MANBA: variants seen among roughly 807,000 people sequenced by gnomAD.
The protein encoded by MANBA is mannosidase beta.
MANBA carries 83 observed loss-of-function variants against 111.1 expected under a neutral mutation model. The observed-to-expected ratio is 0.75, with a 90% CI of 0.63 to 0.90. The LOEUF (loss-of-function observed/expected upper bound fraction) is 0.90. MANBA is among the 40% of genes least tolerant of loss of function. The probability of loss-of-function intolerance (pLI) is 0.00; values close to 1 mark genes in which losing one functional copy is unlikely to be tolerated. For missense variants in MANBA, 1,036 were observed against 1,069.0 expected, an observed-to-expected ratio of 0.97 and a Z score of 0.43; for synonymous variants, 370 against 378.7, an observed-to-expected ratio of 0.98 and a Z score of 0.27.
In MANBA at chr4:102,742,948, G is replaced by A. The variant is rs531637577; in HGVS notation, c.178-16265C>T. 3.5e-4 allele frequency among the ~76,000 whole-genome samples: 54 copies of A among 152,248 alleles called. 1 individual carries two copies. The highest frequency in any genetic ancestry group is 6.5e-4 in the Admixed American group (10 of 15,296). Reference sequence around the variant, plus strand: ...GCAGTGCCGTGGCCAGGTCAGCCTTGCTGAGTGGAAATCCATGTTGCTGAG... The same window carrying A: ...GCAGTGCCGTGGCCAGGTCAGCCTTACTGAGTGGAAATCCATGTTGCTGAG... On this transcript the variant is annotated intron_variant, in intron 1 of 16. Transcript: ENST00000647097.
At chr4:102,709,323 AG>A (rs1393046404) in intron 5 of MANBA, among the ~76,000 whole-genome samples, 6 of 130,536 alleles carry the variant, frequency 4.6e-5, no homozygotes, top group Admixed American at 7.5e-5. Context: ...AGAAAAGAAA[AG>A]AAAAAGAAAG....
At chr4:102,724,918 T>G (rs1381612903) in intron 2 of MANBA, among the ~76,000 whole-genome samples, 4 of 152,226 alleles carry the variant, frequency 2.6e-5, no homozygotes, top group Non-Finnish European at 5.9e-5. Flanking sequence ...TACTGATACA[T>G]GCTACAACAT....
At chr4:102,645,206 T>C (rs74525093) in intron 13 of MANBA, among the ~76,000 whole-genome samples, 1,631 of 152,216 alleles carry the variant, frequency 0.011, 23 homozygotes, top group African/African-American at 0.037. Context: ...CCTGGGATAT[T>C]TCCCACATAG....
chr4:102,670,327 G>T (rs1192193458), intron 9 of MANBA, among the ~76,000 whole-genome samples: 1 of 151,994 alleles, frequency 6.6e-6, no homozygotes, highest in South Asian at 2.1e-4. Context: ...TCATTGAATG[G>T]GCATGAAGAT....
chr4:102,690,002 A>C (rs1489877241), intron 6 of MANBA, among the ~76,000 whole-genome samples: 1 of 152,132 alleles, frequency 6.6e-6, no homozygotes, highest in Non-Finnish European at 1.5e-5. Flanking sequence ...TTAAAATGGG[A>C]CTCTGAAGTT....
intron 1 of MANBA, among the ~76,000 whole-genome samples, chr4:102,757,518 G>T (rs559004208): frequency 5.9e-5 from 9 of 152,174 alleles, no homozygotes; most frequent in African/African-American, 2.2e-4. Flanking sequence ...AAAAATCCTG[G>T]TATTTTCCTG....
chr4:102,729,611 T>C (rs1251959814), intron 1 of MANBA: 2 of 958,876 alleles, frequency 2.1e-6, no homozygotes, highest in Admixed American at 1.7e-5. Flanking sequence ...TCTCCACCTC[T>C]GTACACTTAT....
intron 2 of MANBA, among the ~76,000 whole-genome samples, chr4:102,725,002 T>C (rs1722739972): frequency 6.6e-6 from 1 of 152,140 alleles, no homozygotes; most frequent in Non-Finnish European, 1.5e-5. Flanking sequence ...TATGATTCCA[T>C]TTATATGAGG....
At chr4:102,754,924 T>C (rs1200872787) in intron 1 of MANBA, among the ~76,000 whole-genome samples, 1 of 152,144 alleles carries the variant, frequency 6.6e-6, no homozygotes, top group African/African-American at 2.4e-5. Context: ...ATGGATGCAC[T>C]GAATTTTTAC....
At position 102,723,899 on chromosome 4, in the gene MANBA, A is replaced by T. The variant is rs763232710; in HGVS notation, c.341T>A (p.Val114Asp). The T allele has an allele frequency of 6.2e-7, 1 of 1,609,520 alleles. No individual in the cohort carries two copies. The highest frequency in any genetic ancestry group is 2.2e-5 in the East Asian group (1 of 44,766). ...CATATTGTCTGTTTCCCCAATAGTGACTTCATTGAACAGGATTTTTGAAAC... is the reference window on the plus strand; with the variant it reads ...CATATTGTCTGTTTCCCCAATAGTGTCTTCATTGAACAGGATTTTTGAAAC... The part of the protein sequence containing the change: ...DTVSKILFNE[V>D]TIGETDNMFN... Residue 114 changes from valine (V) to aspartate (D), a missense_variant, in exon 3 of 17, where the codon GTC becomes GAC. Transcript: ENST00000647097.
At chr4:102,657,233 T>TGG (rs1730603182) in intron 12 of MANBA, among the ~76,000 whole-genome samples, 1 of 43,410 alleles carries the variant, frequency 2.3e-5, no homozygotes, top group Non-Finnish European at 4.4e-5. Context: ...GGGGGGGGGG[T>TGG]GGGCGGTGGT....
chr4:102,648,770 G>A (rs1366358527), intron 13 of MANBA, among the ~76,000 whole-genome samples: 1 of 152,072 alleles, frequency 6.6e-6, no homozygotes, highest in Non-Finnish European at 1.5e-5. Flanking sequence ...CAAGGTGCAT[G>A]CCATAACATT....
intron 3 of MANBA, 129 bp downstream of exon 3, chr4:102,723,733 C>T (rs1241780539): frequency 1.6e-6 from 1 of 628,490 alleles, no homozygotes; most frequent in East Asian, 2.8e-5. Flanking sequence ...AATCAAGTAA[C>T]TCATCCAGTG....
chr4:102,712,402 C>T (rs144365529), intron 5 of MANBA, among the ~76,000 whole-genome samples: 1 of 152,072 alleles, frequency 6.6e-6, no homozygotes, highest in East Asian at 1.9e-4. Flanking sequence ...TAAACCAGAG[C>T]AGTATTATTC....
At chr4:102,652,608 C>T (rs62327213) in intron 12 of MANBA, among the ~76,000 whole-genome samples, 248 of 152,094 alleles carry the variant, frequency 1.6e-3, no homozygotes, top group Non-Finnish European at 3.1e-3. Flanking sequence ...CATAAAAACC[C>T]GGCCGGATGC....
chr4:102,742,751 C>A (rs530231691), intron 1 of MANBA, among the ~76,000 whole-genome samples: 1 of 152,280 alleles, frequency 6.6e-6, no homozygotes, highest in African/African-American at 2.4e-5. Context: ...GATAGGCAAA[C>A]CCATATCCAG....
At chr4:102,749,689 AATT>A (rs754882830) in intron 1 of MANBA, among the ~76,000 whole-genome samples, 11 of 152,250 alleles carry the variant, frequency 7.2e-5, no homozygotes, top group Non-Finnish European at 1.6e-4. Flanking sequence ...AGTCACTGTG[AATT>A]ATTATACCTT....
chr4:102,746,687 C>A lies in MANBA; in HGVS notation c.177+14031G>T, dbSNP rs973336221. ...TCTCCATACTATTAGAAATAGAATTCTTAGGCCGGGCACTGTGGCTCACGA... is the reference window on the plus strand; with the variant it reads ...TCTCCATACTATTAGAAATAGAATTATTAGGCCGGGCACTGTGGCTCACGA... On this transcript the variant is annotated intron_variant, in intron 1 of 16. Transcript: ENST00000647097. Among the ~76,000 whole-genome samples, 72 of 152,158 alleles carry A rather than the reference C, an allele frequency of 4.7e-4. 2 individuals carry two copies. The highest frequency in any genetic ancestry group is 4.7e-3 in the Admixed American group (72 of 15,274).
At chr4:102,675,139 G>C (rs180953412) in intron 7 of MANBA, among the ~76,000 whole-genome samples, 1 of 152,326 alleles carries the variant, frequency 6.6e-6, no homozygotes, top group Non-Finnish European at 1.5e-5. Context: ...CATGATGGTG[G>C]GTTCCAATAT....
Sources: allele counts gnomAD v4.1 joint callset (sites outside exome capture counted in the v4.1 genomes callset), GRCh38; gene constraint gnomAD v4.1.1; transcripts MANE v1.5; gene names NCBI Gene and HGNC (gene_info 2026-07-23, HGNC 2026-07-21).